HTR2A: variants seen among roughly 807,000 people sequenced by gnomAD.
HTR2A encodes the protein 5-HT2 receptor.
Under a neutral mutation model 31.0 loss-of-function variants are expected in HTR2A, and 14 were observed. The observed-to-expected ratio is 0.45, with a 90% CI of 0.30 to 0.71. The LOEUF is 0.71. HTR2A is among the 30% of genes least tolerant of loss of function. The pLI, the probability that HTR2A is intolerant of heterozygous loss-of-function variation, is 0.09. For synonymous variants in HTR2A, 209 were observed against 225.2 expected, an observed-to-expected ratio of 0.93 and a Z score of 0.64; for missense variants, 442 against 573.3, an observed-to-expected ratio of 0.77 and a Z score of 2.34.
At chr13:46,885,044 T>C (rs1157556652) in intron 3 of HTR2A, among the ~76,000 whole-genome samples, 1 of 152,162 alleles carries the variant, frequency 6.6e-6, no homozygotes, top group African/African-American at 2.4e-5. Flanking sequence ...AAACTTGATA[T>C]AGACTGTTTT....
In HTR2A at chr13:46,896,174, GA is replaced by G. The variant is rs1374580003; in HGVS notation, c.-269del. On this transcript the variant is annotated 5_prime_UTR_variant, in exon 2 of 4. The change creates a premature stop within an existing upstream ORF in the 5' untranslated region. Coordinates refer to ENST00000542664, the MANE Select transcript of HTR2A (RefSeq NM_000621.5). ...TCACCAAACCGAGGACAAAAAAGCA[GA>G]ATGAACTTTTAGCATAGAGGTTGCA... 3 of 1,205,342 alleles carry G rather than the reference GA, an allele frequency of 2.5e-6. No homozygotes were observed. Among genetic ancestry groups the G allele is most frequent in the African/African-American group, 3.1e-5 (2 of 63,700 alleles). The allele number at this position is 1,205,342 out of a possible 1,614,324, so 74.7% of individuals were successfully genotyped here. A position where few individuals can be genotyped will look rare whatever the true frequency, so the allele number is the denominator to read the frequency against.
At chr13:46,876,800 T>C (rs1950917699) in intron 3 of HTR2A, among the ~76,000 whole-genome samples, 1 of 152,178 alleles carries the variant, frequency 6.6e-6, no homozygotes, top group African/African-American at 2.4e-5. Flanking sequence ...GAATCCTCAC[T>C]GTGTCCCCCA....
At position 46,842,405 on chromosome 13, in the gene HTR2A, C is replaced by T. The variant is rs1182074479; in HGVS notation, c.614-6766G>A. ...CTGAAAGCTTGGAGAATGAGTCTTA[C>T]ATGTGACATGTCTCATTTCAGAGAC... On this transcript the variant is annotated intron_variant, in intron 3 of 3. Coordinates refer to ENST00000542664, the MANE Select transcript of HTR2A (RefSeq NM_000621.5). Among the ~76,000 whole-genome samples, 4 of 152,158 alleles carry T rather than the reference C, an allele frequency of 2.6e-5. No homozygotes were observed. The East Asian group carries it at 7.7e-4, about 29-fold the overall frequency.
Position 46,835,016 on chromosome 13 carries a change from T to C in HTR2A, c.1237A>G (p.Thr413Ala). Reference protein sequence around the residue: ...KKPLQLILVNTIPALAYKSSQ... With the variant: ...KKPLQLILVNAIPALAYKSSQ... ...GACTTGTAGGCCAAAGCCGGTATTG[T>C]GTTCACTAAAATTAACTGCAATGGT... The change falls in exon 4 of 4, where the codon ACA (threonine) becomes GCA (alanine). Residue 413 changes from threonine to alanine, a missense_variant. By Grantham distance (58) the Thr-to-Ala change is moderately conservative. Around this residue, in one of 5 missense-constraint regions of HTR2A, gnomAD observed 88 missense variants for 83.1 expected, o/e 1.06. Coordinates refer to ENST00000542664, the MANE Select transcript of HTR2A (RefSeq NM_000621.5). 6.2e-7 allele frequency: 1 copy of C among 1,614,168 alleles called. No homozygotes were observed. Among genetic ancestry groups the C allele is most frequent in the Non-Finnish European group, 8.5e-7 (1 of 1,180,000 alleles).
chr13:46,885,030 T>C (rs975744830), intron 3 of HTR2A, among the ~76,000 whole-genome samples: 2 of 152,328 alleles, frequency 1.3e-5, no homozygotes, highest in African/African-American at 4.8e-5. Flanking sequence ...AAACCAAGGA[T>C]ACTAAACTTG....
At chr13:46,845,326 GA>G (rs1034837662) in intron 3 of HTR2A, among the ~76,000 whole-genome samples, 6 of 152,162 alleles carry the variant, frequency 3.9e-5, no homozygotes, top group African/African-American at 1.4e-4. Flanking sequence ...GGACAGGGAT[GA>G]GGCAAGGAGA....
At chr13:46,881,590 G>A (rs985934) in intron 3 of HTR2A, among the ~76,000 whole-genome samples, 91,678 of 152,084 alleles carry the variant, frequency 0.6, 27,719 homozygotes, top group East Asian at 0.66. Context: ...TCAAGTTTCC[G>A]TTTGTATTCT....
At chr13:46,884,810 TTGTG>T (rs1950993634) in intron 3 of HTR2A, among the ~76,000 whole-genome samples, 1 of 141,428 alleles carries the variant, frequency 7.1e-6, no homozygotes, top group Non-Finnish European at 1.5e-5. Context: ...GTGTGTGTAT[TTGTG>T]TGTGTATGTA....
chr13:46,870,773 A>G (rs1352804591), intron 3 of HTR2A, among the ~76,000 whole-genome samples: 15 of 152,222 alleles, frequency 9.9e-5, no homozygotes, highest in Non-Finnish European at 2.2e-4. Context: ...ATTAGAGCTA[A>G]GCCAGGGATT....
At chr13:46,877,362 T>C (rs1226819435) in intron 3 of HTR2A, among the ~76,000 whole-genome samples, 1 of 152,102 alleles carries the variant, frequency 6.6e-6, no homozygotes, top group Non-Finnish European at 1.5e-5. Context: ...TCAACAGCTC[T>C]TTTTTTAAGC....
chr13:46,863,035 C>T (rs1950792183), intron 3 of HTR2A, among the ~76,000 whole-genome samples: 1 of 152,148 alleles, frequency 6.6e-6, no homozygotes, highest in South Asian at 2.1e-4. Flanking sequence ...ACACTAGTTA[C>T]CATGTGCATT....
intron 3 of HTR2A, among the ~76,000 whole-genome samples, chr13:46,889,097 A>G (rs573576523): frequency 1.8e-4 from 28 of 152,294 alleles, no homozygotes; most frequent in African/African-American, 6.7e-4. Context: ...AAAACTTTAT[A>G]TGCTGCTTAC....
chr13:46,887,280 G>A (rs1398162902), intron 3 of HTR2A, among the ~76,000 whole-genome samples: 4 of 151,834 alleles, frequency 2.6e-5, no homozygotes, highest in East Asian at 3.9e-4. Flanking sequence ...AAATTTAGCC[G>A]GGTGTGGTGG....
Position 46,835,428 on chromosome 13 carries a change from C to T in HTR2A, c.825G>A (p.Arg275=), listed in dbSNP as rs563077877. 1 of 1,613,996 alleles carries T rather than the reference C, an allele frequency of 6.2e-7. No homozygotes were observed. The highest frequency in any genetic ancestry group is 1.1e-5 in the South Asian group (1 of 91,078). Residue 275 remains arginine, a synonymous_variant, in exon 4 of 4, where the codon CGG becomes CGA. Transcript: ENST00000542664. ...GGAAGCTGAAAGAAGCTAATTTGGC[C>T]CGTGTGCCAAGATCACTTACACACA... ...ATLCVSDLGT[R]AKLASFSFLP... is the part of the protein sequence containing the mutation.
rs150864801 is a variant in HTR2A at position 46,833,030 on chromosome 13, G to A, written c.*1807C>T. 85 of 152,274 alleles carry A rather than the reference G, an allele frequency of 5.6e-4. No homozygotes were observed. The highest frequency in any genetic ancestry group is 2.0e-3 in the African/African-American group (82 of 41,548). 9.4% of individuals were successfully genotyped at this position (152,274 alleles called of 1,614,324 possible). ...ATCTGCTTTTCTATTAGGGAGCCCA[G>A]TGTCAATGAGTAATACTGAAATGAG... On this transcript the variant is annotated 3_prime_UTR_variant, in exon 4 of 4. Coordinates refer to ENST00000542664, the MANE Select transcript of HTR2A (RefSeq NM_000621.5).
intron 3 of HTR2A, among the ~76,000 whole-genome samples, chr13:46,851,384 C>T (rs1950683932): frequency 6.6e-6 from 1 of 152,152 alleles, no homozygotes; most frequent in African/African-American, 2.4e-5. Context: ...TATTCTGGTT[C>T]AAACATAGTA....
At chr13:46,867,600 G>A (rs1950827833) in intron 3 of HTR2A, among the ~76,000 whole-genome samples, 1 of 152,220 alleles carries the variant, frequency 6.6e-6, no homozygotes, top group Admixed American at 6.5e-5. Flanking sequence ...TCAAGATGGA[G>A]ATAGTGTCTC....
chr13:46,849,654 A>G (rs1950667308), intron 3 of HTR2A, among the ~76,000 whole-genome samples: 1 of 152,116 alleles, frequency 6.6e-6, no homozygotes, highest in South Asian at 2.1e-4. Flanking sequence ...CTCTACTGAT[A>G]TTACCATGGC....
intron 3 of HTR2A, among the ~76,000 whole-genome samples, chr13:46,846,194 C>A (rs975184605): frequency 6.6e-6 from 1 of 151,934 alleles, no homozygotes; most frequent in Non-Finnish European, 1.5e-5. Context: ...TTTTTTCTCC[C>A]ATAAAATGGG....
Sources: gnomAD v4.1 joint callset for allele counts (sites outside exome capture counted in the v4.1 genomes callset) on GRCh38, gnomAD v4.1.1 for gene constraint, gnomAD v4.1.1 regional missense constraint, MANE v1.5 for transcripts, NCBI Gene and HGNC (gene_info 2026-07-23, HGNC 2026-07-21) for gene names.